PIP4K2A: variants seen among roughly 807,000 people sequenced by gnomAD.
PIP4K2A encodes phosphatidylinositol 5-phosphate 4-kinase type-2 alpha.
In PIP4K2A, 14 loss-of-function variants were observed where a neutral mutation model predicts 42.9. The ratio of observed to expected loss-of-function variants is 0.33; its 90% CI spans 0.22 to 0.51. The LOEUF is 0.51. Among genes scored for constraint, PIP4K2A ranks in the 20% least tolerant of loss-of-function variants. The pLI, the probability that PIP4K2A is intolerant of heterozygous loss-of-function variation, is 0.97. For synonymous variants in PIP4K2A, 192 were observed against 192.2 expected, an observed-to-expected ratio of 1.00 and a Z score of 0.01; for missense variants, 434 against 519.8, an observed-to-expected ratio of 0.83 and a Z score of 1.61.
In PIP4K2A at chr10:22,562,581, ACATTT is replaced by A. The variant is rs112857980; in HGVS notation, c.678+5265_678+5269del. Among the ~76,000 whole-genome samples the A allele has an allele frequency of 3.2e-4, 48 of 152,342 alleles. 1 individual carries two copies. Among genetic ancestry groups the A allele is most frequent in the South Asian group, 1.9e-3 (9 of 4,820 alleles). On this transcript the variant is annotated intron_variant, in intron 6 of 9. Transcript: ENST00000376573. ...AACAAAACAGTTTGGCTCTATTAATACATTTCATTTCATCTATTACAGTTTAACAA... is the reference window on the plus strand; with the variant it reads ...AACAAAACAGTTTGGCTCTATTAATACATTTCATCTATTACAGTTTAACAA...
Position 22,591,724 on chromosome 10 carries a change from G to C in PIP4K2A, c.397C>G (p.Arg133Gly). The C allele has an allele frequency of 6.2e-7, 1 of 1,613,604 alleles. No homozygotes were observed. Reference sequence around the variant, plus strand: ...CTTTTGTCGTAGGAAGTGTGAAAACGAGCTCCACTGCGGGCCTGGGAGTCG... The same window carrying C: ...CTTTTGTCGTAGGAAGTGTGAAAACCAGCTCCACTGCGGGCCTGGGAGTCG... ...PNDSQARSGA[R>G]FHTSYDKRYI... The change falls in exon 4 of 10, where the codon CGT becomes GGT. Residue 133 changes from arginine to glycine, a missense_variant. Transcript: ENST00000376573.
At chr10:22,648,554 C>G (rs953556425) in intron 1 of PIP4K2A, among the ~76,000 whole-genome samples, 2 of 152,126 alleles carry the variant, frequency 1.3e-5, no homozygotes, top group Non-Finnish European at 2.9e-5. Context: ...AACACTCTTC[C>G]TGTCATTTCA....
At chr10:22,624,755 T>G (rs1268441199) in intron 1 of PIP4K2A, among the ~76,000 whole-genome samples, 1 of 152,108 alleles carries the variant, frequency 6.6e-6, no homozygotes, top group African/African-American at 2.4e-5. Flanking sequence ...AGTAAGAAAT[T>G]AACTGCTTTT....
chr10:22,692,146 T>C (rs945605023), intron 1 of PIP4K2A, among the ~76,000 whole-genome samples: 1 of 151,482 alleles, frequency 6.6e-6, no homozygotes, highest in Admixed American at 6.6e-5. Context: ...TGCAACTAGA[T>C]GGTCCCATCT....
chr10:22,539,753 C>T lies in PIP4K2A; in HGVS notation c.1140+218G>A, dbSNP rs1836042275. 1.6e-5 allele frequency: 9 copies of T among 557,510 alleles called. No individual in the cohort carries two copies. The Middle Eastern group carries it at 2.9e-3, about 181-fold the overall frequency. The allele number at this position is 557,510 out of a possible 1,614,324, so 34.5% of individuals were successfully genotyped here. ...AGTGAGCAGTAAGCGTTTGTGGGTT[C>T]TGTATCTTACGCTCAGAACATGACT... On this transcript the variant is annotated intron_variant, in intron 9 of 9. Coordinates refer to ENST00000376573, the MANE Select transcript of PIP4K2A (RefSeq NM_005028.5).
At chr10:22,663,739 T>C (rs554402630) in intron 1 of PIP4K2A, among the ~76,000 whole-genome samples, 20 of 152,006 alleles carry the variant, frequency 1.3e-4, no homozygotes, top group African/African-American at 4.6e-4. Flanking sequence ...AAACATACTA[T>C]TTTGCAAATT....
chr10:22,583,445 G>A (rs896348949), intron 4 of PIP4K2A, among the ~76,000 whole-genome samples: 1 of 152,208 alleles, frequency 6.6e-6, no homozygotes, highest in African/African-American at 2.4e-5. Flanking sequence ...GAGAGCAGGT[G>A]TGCCCAGGGA....
rs757196516 is a variant in PIP4K2A at position 22,536,210 on chromosome 10, CAGG to C, written c.*988_*990del. On this transcript the variant is annotated 3_prime_UTR_variant, in exon 10 of 10. Coordinates refer to ENST00000376573, the MANE Select transcript of PIP4K2A (RefSeq NM_005028.5). The stretch of plus-strand genomic sequence containing the variant: ...TATAATTCAGATCTGCATTTGGTAA[CAGG>C]AGAATTGAGAGTTTTGATGCTTTGC... 5.4e-4 allele frequency: 216 copies of C among 398,104 alleles called. No homozygotes were observed. Among genetic ancestry groups the C allele is most frequent in the Middle Eastern group, 3.8e-3 (6 of 1,584 alleles). The allele number at this position is 398,104 out of a possible 1,614,324, so 24.7% of individuals were successfully genotyped here.
chr10:22,539,408 T>C (rs549868366), intron 9 of PIP4K2A: 1 of 153,658 alleles, frequency 6.5e-6, no homozygotes, highest in South Asian at 2.0e-4. Flanking sequence ...GTGAGTAATA[T>C]TATGCAACTT....
intron 1 of PIP4K2A, among the ~76,000 whole-genome samples, chr10:22,610,063 C>T (rs1403128864): frequency 3.3e-5 from 5 of 152,216 alleles, no homozygotes; most frequent in Non-Finnish European, 7.3e-5. Flanking sequence ...GGACAACTTC[C>T]TTCTGTAAAG....
intron 4 of PIP4K2A, among the ~76,000 whole-genome samples, chr10:22,576,106 G>A (rs1233197125): frequency 6.6e-6 from 1 of 152,118 alleles, no homozygotes; most frequent in East Asian, 1.9e-4. Flanking sequence ...TTATCTATTA[G>A]ATTCGAGTAC....
intron 3 of PIP4K2A, among the ~76,000 whole-genome samples, chr10:22,593,616 T>C (rs1018385845): frequency 2.0e-5 from 3 of 152,374 alleles, no homozygotes; most frequent in Non-Finnish European, 4.4e-5. Flanking sequence ...TTTTAAATGC[T>C]AGCCCCCAAA....
At chr10:22,627,630 A>AAAAAAAAAAAAAAAAAAAAAAAG (rs1346625282) in intron 1 of PIP4K2A, among the ~76,000 whole-genome samples, 3 of 118,136 alleles carry the variant, frequency 2.5e-5, no homozygotes, top group Non-Finnish European at 3.6e-5. Flanking sequence ...AAAAAAAAAA[A>AAAAAAAAAAAAAAAAAAAAAAAG]AGATAAGGAA....
intron 6 of PIP4K2A, among the ~76,000 whole-genome samples, chr10:22,561,475 G>C (rs1035679931): frequency 6.7e-6 from 1 of 149,734 alleles, no homozygotes; most frequent in African/African-American, 2.5e-5. Context: ...TGGAAAACTA[G>C]AAGTTATAAT....
intron 1 of PIP4K2A, among the ~76,000 whole-genome samples, chr10:22,636,376 T>G (rs1838662299): frequency 6.6e-6 from 1 of 152,126 alleles, no homozygotes; most frequent in Non-Finnish European, 1.5e-5. Context: ...CTCAGCCCCT[T>G]GAGTGGCTGG....
At chr10:22,664,204 C>CGT (rs1337713240) in intron 1 of PIP4K2A, among the ~76,000 whole-genome samples, 2 of 47,722 alleles carry the variant, frequency 4.2e-5, no homozygotes, top group Non-Finnish European at 6.9e-5. Flanking sequence ...TATATATATA[C>CGT]ATATATATAT....
chr10:22,570,247 T>A (rs1483757454), intron 5 of PIP4K2A, among the ~76,000 whole-genome samples: 1 of 152,214 alleles, frequency 6.6e-6, no homozygotes. Context: ...CCTGCAAATG[T>A]AGGTAAAATT....
intron 4 of PIP4K2A, among the ~76,000 whole-genome samples, chr10:22,575,914 G>A (rs374400564): frequency 1.3e-4 from 20 of 151,938 alleles, no homozygotes; most frequent in African/African-American, 4.3e-4. Flanking sequence ...CTCCAGCCTA[G>A]GTGACAGAGC....
chr10:22,563,034 T>G (rs1394330695), intron 6 of PIP4K2A, among the ~76,000 whole-genome samples: 1 of 152,198 alleles, frequency 6.6e-6, no homozygotes, highest in Non-Finnish European at 1.5e-5. Flanking sequence ...CCATTTGCCC[T>G]TTTACTGTGC....
Sources: gnomAD v4.1 joint callset for allele counts (sites outside exome capture counted in the v4.1 genomes callset) on GRCh38, gnomAD v4.1.1 for gene constraint, MANE v1.5 for transcripts, NCBI Gene and HGNC (gene_info 2026-07-23, HGNC 2026-07-21) for gene names.